ZSWIM4: variants seen among roughly 807,000 people sequenced by gnomAD.
The protein encoded by ZSWIM4 is zinc finger SWIM domain-containing protein 4.
A neutral mutation model predicts 102.5 loss-of-function variants in ZSWIM4; 62 were observed. The observed-to-expected ratio is 0.60, with a 90% CI of 0.49 to 0.75. The LOEUF (loss-of-function observed/expected upper bound fraction) is 0.75, where lower values mean the gene tolerates loss of function less well. ZSWIM4 is among the 30% of genes least tolerant of loss of function. The pLI, the probability that ZSWIM4 is intolerant of heterozygous loss-of-function variation, is 0.00. For synonymous variants in ZSWIM4, 652 were observed against 674.5 expected (o/e 0.97, Z 0.52); for missense variants, 1,280 against 1,529.6 (o/e 0.84, Z 2.72).
Position 13,809,678 on chromosome 19 carries a change from A to G in ZSWIM4, c.1012+458A>G, listed in dbSNP as rs1162357264. On this transcript the variant is annotated intron_variant, in intron 5 of 13. Coordinates refer to ENST00000590508, the MANE Select transcript of ZSWIM4 (RefSeq NM_001367834.3). This position sits in a 1 kb window ranked among gnomAD's most constrained non-coding sequence, Gnocchi z 4.2. ...TAATTTTTTGAAGAGACAGAGTCTC[A>G]CTATCTTGCCAAGTCTGGTCTTGAA... Among the ~76,000 whole-genome samples the G allele has an allele frequency of 3.3e-5, 5 of 152,130 alleles. No individual in the cohort carries two copies. The highest frequency in any genetic ancestry group is 7.4e-5 in the Non-Finnish European group (5 of 68,024).
chr19:13,829,714 A>T (rs1975704754), intron 13 of ZSWIM4, among the ~76,000 whole-genome samples: 1 of 151,952 alleles, frequency 6.6e-6, no homozygotes. Context: ...AGTCCCAGCT[A>T]CTCAGGAGGC....
chr19:13,800,526 A>G (rs531888751), intron 2 of ZSWIM4, among the ~76,000 whole-genome samples: 1 of 151,842 alleles, frequency 6.6e-6, no homozygotes, highest in East Asian at 1.9e-4. Context: ...CGGCCTCCCA[A>G]AGTGCTGGGA....
rs373417810 is a variant in ZSWIM4 at position 13,819,342 on chromosome 19, A to G, written c.1925-15A>G. 2 of 1,613,482 alleles carry G rather than the reference A, an allele frequency of 1.2e-6. No individual in the cohort carries two copies. The highest frequency in any genetic ancestry group is 1.3e-5 in the African/African-American group (1 of 74,946). The stretch of plus-strand genomic sequence containing the variant: ...GAGCCCACACTTGGGGACTGAGCTC[A>G]GGCTGTTCCTGCAGGGGGTCCCTTC... On this transcript the variant is annotated splice_polypyrimidine_tract_variant and intron_variant, in intron 9 of 13. Coordinates refer to ENST00000590508, the MANE Select transcript of ZSWIM4 (RefSeq NM_001367834.3).
intron 3 of ZSWIM4, among the ~76,000 whole-genome samples, chr19:13,805,416 G>A (rs1322165449): frequency 6.6e-6 from 1 of 151,702 alleles, no homozygotes; most frequent in Admixed American, 6.6e-5. Flanking sequence ...AGGGCAAGTG[G>A]GAGGTCTGGC....
intron 6 of ZSWIM4, among the ~76,000 whole-genome samples, chr19:13,813,828 G>A (rs1975180775): frequency 6.6e-6 from 1 of 151,182 alleles, no homozygotes; most frequent in Non-Finnish European, 1.5e-5. Context: ...GGCTGAGATG[G>A]GAGAATCGCT....
In ZSWIM4 at chr19:13,817,797, T is replaced by C; in HGVS notation, c.1745T>C (p.Val582Ala). The change falls in exon 9 of 14, where the codon GTG (valine) becomes GCG (alanine). Residue 582 changes from valine to alanine, a missense_variant. Transcript: ENST00000590508. ...GGGAGCCCTGGGGAGTCCTACTTGG[T>C]GCTGGCGCTGGAGGTGGCACTGCTG... ...VPGSPGESYL[V>A]LALEVALLGL... 12 of 1,592,210 alleles carry C rather than the reference T, an allele frequency of 7.5e-6. No individual in the cohort carries two copies. Among genetic ancestry groups the C allele is most frequent in the Admixed American group, 1.8e-5 (1 of 54,890 alleles).
Position 13,805,097 on chromosome 19 carries a change from CG to C in ZSWIM4, c.662del (p.Arg221ProfsTer16). On this transcript the variant is annotated frameshift_variant, in exon 3 of 14. Coordinates refer to ENST00000590508, the MANE Select transcript of ZSWIM4 (RefSeq NM_001367834.3). LOFTEE classifies it high-confidence loss of function. ...HHTEVLPTAQ[R>X]LADEILLLGS... ...CACTGAGGTGCTGCCCACTGCTCAG[CG>C]CTTGGCTGATGAGATCCTCCTGCTG... 1 of 1,604,176 alleles carries C rather than the reference CG, an allele frequency of 6.2e-7. No individual in the cohort carries two copies. The highest frequency in any genetic ancestry group is 8.5e-7 in the Non-Finnish European group (1 of 1,179,940).
intron 1 of ZSWIM4, 115 bp downstream of exon 1, chr19:13,795,916 C>T (rs1974599684): frequency 1.6e-6 from 1 of 631,058 alleles, no homozygotes; most frequent in Non-Finnish European, 2.2e-6. Flanking sequence ...GAGACACCCC[C>T]TGAGATTCCA....
rs1282551254 is a variant in ZSWIM4 at position 13,808,940 on chromosome 19, G to T, written c.817G>T (p.Gly273Cys). The change falls in exon 4 of 14, where the codon GGC becomes TGC. Residue 273 changes from glycine (G) to cysteine (C), a missense_variant. Transcript: ENST00000590508. ...EQVKQLLSNG[G>C]YYGASQQLRS... ...GGTGAAGCAGCTACTGTCCAATGGC[G>T]GCTACTACGGGGCCAGCCAGCAGCT... The T allele has an allele frequency of 6.2e-7, 1 of 1,609,616 alleles. No homozygotes were observed. The highest frequency in any genetic ancestry group is 8.5e-7 in the Non-Finnish European group (1 of 1,178,290).
rs192713235 is a variant in ZSWIM4, at chr19:13,817,425, C to A, written c.1669+72C>A. The A allele has an allele frequency of 1.4e-4, 222 of 1,556,888 alleles. 1 individual carries two copies. The East Asian group carries it at 4.0e-3, about 28-fold the overall frequency. On this transcript the variant is annotated intron_variant, in intron 8 of 13. Coordinates refer to ENST00000590508, the MANE Select transcript of ZSWIM4 (RefSeq NM_001367834.3). The stretch of plus-strand genomic sequence containing the variant: ...GTTGGCCACGCCCCCTGGCCCAGTA[C>A]CCCTATAAGGTAACTCCCAGACTCT...
At chr19:13,824,525 A>G (rs560454914) in intron 11 of ZSWIM4, among the ~76,000 whole-genome samples, 6 of 152,058 alleles carry the variant, frequency 3.9e-5, no homozygotes, top group Non-Finnish European at 8.8e-5. Flanking sequence ...TGAGGTCAGG[A>G]GTTCGAGACC....
In ZSWIM4 at chr19:13,799,861, C is replaced by T; in HGVS notation, c.295C>T (p.Pro99Ser). ...AGAGGGCGAGCACGATGCCCGGGTG[C>T]CCTTTACCCGCGGGCTGCACCTGCT... ...PPEGEHDARV[P>S]FTRGLHLLQS... The change falls in exon 2 of 14, where the codon CCC becomes TCC. Residue 99 changes from proline (P) to serine (S), a missense_variant. By Grantham distance (74) the Pro-to-Ser change is moderately conservative (BLOSUM62 -1). Coordinates refer to ENST00000590508, the MANE Select transcript of ZSWIM4 (RefSeq NM_001367834.3). 1.2e-6 allele frequency: 2 copies of T among 1,613,550 alleles called. No homozygotes were observed. The highest frequency in any genetic ancestry group is 1.7e-6 in the Non-Finnish European group (2 of 1,179,986).
In ZSWIM4 at chr19:13,813,109, G is replaced by A. The variant is rs144265568; in HGVS notation, c.1125G>A (p.Glu375=). ...AGCTCGACGTCTGCCCACTGGAAGA[G>A]GGCAACTACTCCTTCGACGGCCCCA... is the stretch of plus-strand genomic sequence containing the variant. The part of the protein sequence containing the change: ...WDKLDVCPLE[E]GNYSFDGPSL... Residue 375 remains glutamate, a synonymous_variant, in exon 6 of 14, where the codon GAG becomes GAA. Transcript: ENST00000590508. 2 of 1,613,966 alleles carry A rather than the reference G, an allele frequency of 1.2e-6. No homozygotes were observed. Among genetic ancestry groups the A allele is most frequent in the Non-Finnish European group, 1.7e-6 (2 of 1,179,954 alleles).
chr19:13,822,490 T>C (rs1453487165), intron 10 of ZSWIM4, among the ~76,000 whole-genome samples: 1 of 152,216 alleles, frequency 6.6e-6, no homozygotes, highest in Non-Finnish European at 1.5e-5. Flanking sequence ...CCATGTCCAT[T>C]CATCTGTGAA....
chr19:13,819,551 G>A (rs991409966), intron 10 of ZSWIM4, 59 bp downstream of exon 10: 15 of 1,530,012 alleles, frequency 9.8e-6, no homozygotes, highest in African/African-American at 6.9e-5. Context: ...GGGCGGGCAT[G>A]GGGGGTAGCT....
rs766179498 is a variant in ZSWIM4 at position 13,830,595 on chromosome 19, G to A, written c.2866G>A (p.Asp956Asn). ...LAQLSIAFNQ[D>N]SHPAVNDVLW... The stretch of plus-strand genomic sequence containing the variant: ...GCAGCTCAGCATCGCCTTCAACCAG[G>A]ACAGCCACCCTGCCGTCAACGACGT... The change falls in exon 14 of 14, where the codon GAC (aspartate) becomes AAC (asparagine). Residue 956 changes from aspartate to asparagine, a missense_variant. By Grantham distance (23) the Asp-to-Asn change is conservative. Coordinates refer to ENST00000590508, the MANE Select transcript of ZSWIM4 (RefSeq NM_001367834.3). 1 of 1,599,880 alleles carries A rather than the reference G, an allele frequency of 6.3e-7. No homozygotes were observed. Among genetic ancestry groups the A allele is most frequent in the Non-Finnish European group, 8.5e-7 (1 of 1,179,774 alleles).
Position 13,831,202 on chromosome 19 carries a change from G to A in ZSWIM4, c.*152G>A. 2.1e-6 allele frequency: 2 copies of A among 970,430 alleles called. No individual in the cohort carries two copies. Among genetic ancestry groups the A allele is most frequent in the Non-Finnish European group, 3.0e-6 (2 of 675,600 alleles). 60.1% of individuals were successfully genotyped at this position (970,430 alleles called of 1,614,324 possible). On this transcript the variant is annotated 3_prime_UTR_variant, in exon 14 of 14. Coordinates refer to ENST00000590508, the MANE Select transcript of ZSWIM4 (RefSeq NM_001367834.3). ...GGCAGGGGGAGCAGCATCCTGCCAC[G>A]TGTGTGCCTGGGAGTCTGTGAGCAA... is the stretch of plus-strand genomic sequence containing the variant.
intron 5 of ZSWIM4, among the ~76,000 whole-genome samples, chr19:13,812,507 T>C (rs1380074078): frequency 6.6e-6 from 1 of 150,418 alleles, no homozygotes; most frequent in Non-Finnish European, 1.5e-5. Context: ...TTACCCAGGC[T>C]GGAGTGCAGT....
At chr19:13,814,269 G>A (rs1975199235) in intron 6 of ZSWIM4, among the ~76,000 whole-genome samples, 1 of 151,942 alleles carries the variant, frequency 6.6e-6, no homozygotes, top group Non-Finnish European at 1.5e-5. Flanking sequence ...GGCTGGTCTC[G>A]AACTCCTGGC....
Sources: gnomAD v4.1 joint callset for allele counts (sites outside exome capture counted in the v4.1 genomes callset) on GRCh38, gnomAD v4.1.1 for gene constraint, Gnocchi (gnomAD v3.1) non-coding constraint, MANE v1.5 for transcripts, NCBI Gene and HGNC (gene_info 2026-07-23, HGNC 2026-07-21) for gene names.